FAF1: variants seen among roughly 807,000 people sequenced by gnomAD.
FAF1 encodes the protein FAS-associated factor 1.
A neutral mutation model predicts 92.5 loss-of-function variants in FAF1; 25 were observed. That is an observed-to-expected ratio of 0.27 (90% CI 0.20 to 0.38). The LOEUF is 0.38. FAF1 is among the 10% of genes least tolerant of loss of function. FAF1 has a pLI of 1.00. For missense variants in FAF1, 636 were observed against 793.3 expected (o/e 0.80, Z 2.38); for synonymous variants, 234 against 273.2 (o/e 0.86, Z 1.42).
At chr1:50,642,863 CAG>C (rs1352314206) in intron 8 of FAF1, among the ~76,000 whole-genome samples, 1 of 151,954 alleles carries the variant, frequency 6.6e-6, no homozygotes, top group African/African-American at 2.4e-5. Flanking sequence ...TTGTTTGAGA[CAG>C]AGTCTCATTC....
rs560301728 is a variant in FAF1, at chr1:50,776,830, C to A, written c.367+11170G>T. ...CTTTCAGTGGTTCCCAACTAATAAA[C>A]CCGAGATGCCTTAGCAATACTACTA... On this transcript the variant is annotated intron_variant, in intron 4 of 18. Transcript: ENST00000396153. 1.4e-4 allele frequency among the ~76,000 whole-genome samples: 22 copies of A among 152,092 alleles called. No homozygotes were observed. The East Asian group carries it at 3.9e-3, about 27-fold the overall frequency.
At chr1:50,459,515 T>A (rs1406337039) in intron 18 of FAF1, among the ~76,000 whole-genome samples, 1 of 152,210 alleles carries the variant, frequency 6.6e-6, no homozygotes, top group Non-Finnish European at 1.5e-5. Context: ...ATACCATCTT[T>A]TTAGTTGTTC....
At chr1:50,761,406 T>C (rs1308926138) in intron 4 of FAF1, among the ~76,000 whole-genome samples, 1 of 152,174 alleles carries the variant, frequency 6.6e-6, no homozygotes, top group Non-Finnish European at 1.5e-5. Flanking sequence ...TTTAGACCAA[T>C]ATCCTTGATG....
intron 4 of FAF1, among the ~76,000 whole-genome samples, chr1:50,745,981 A>G (rs1659569537): frequency 6.6e-6 from 1 of 151,994 alleles, no homozygotes; most frequent in South Asian, 2.1e-4. Context: ...AGTGATATGG[A>G]CAATGAAGTC....
chr1:50,825,274 TTC>T (rs1207202749), intron 2 of FAF1, among the ~76,000 whole-genome samples: 1 of 152,040 alleles, frequency 6.6e-6, no homozygotes, highest in African/African-American at 2.4e-5. Flanking sequence ...CCAAAAATAT[TTC>T]TGAGACAAAC....
intron 7 of FAF1, among the ~76,000 whole-genome samples, chr1:50,696,370 C>G (rs1657226312): frequency 6.6e-6 from 1 of 152,116 alleles, no homozygotes; most frequent in African/African-American, 2.4e-5. Context: ...ATGTCAAAAG[C>G]TTTACTAGGT....
At chr1:50,919,681 G>A (rs1006779330) in intron 1 of FAF1, among the ~76,000 whole-genome samples, 1 of 152,014 alleles carries the variant, frequency 6.6e-6, no homozygotes, top group African/African-American at 2.4e-5. Context: ...TAGAGACAGG[G>A]TTTCACCATG....
intron 3 of FAF1, among the ~76,000 whole-genome samples, chr1:50,794,438 C>T (rs1420774899): frequency 6.6e-6 from 1 of 152,202 alleles, no homozygotes; most frequent in East Asian, 1.9e-4. Context: ...ACGTTCACCA[C>T]TTCATCTGGA....
chr1:50,511,332 G>T (rs1185138986), intron 15 of FAF1, among the ~76,000 whole-genome samples: 7 of 151,980 alleles, frequency 4.6e-5, no homozygotes, highest in African/African-American at 1.4e-4. Context: ...TGCCATTGTG[G>T]GTTGCTGCAC....
At chr1:50,452,278 T>C (rs1192257445) in intron 18 of FAF1, 1 of 581,834 alleles carries the variant, frequency 1.7e-6, no homozygotes, top group Non-Finnish European at 2.8e-6. Flanking sequence ...AAGCATAAAC[T>C]GGACACAGGC....
At chr1:50,720,063 G>T (rs1658345719) in intron 6 of FAF1, among the ~76,000 whole-genome samples, 1 of 151,142 alleles carries the variant, frequency 6.6e-6, no homozygotes, top group South Asian at 2.1e-4. Flanking sequence ...GTGCAGTGGT[G>T]CAATCTTGAC....
At chr1:50,940,673 C>T (rs1485280029) in intron 1 of FAF1, among the ~76,000 whole-genome samples, 1 of 152,218 alleles carries the variant, frequency 6.6e-6, no homozygotes, top group African/African-American at 2.4e-5. Context: ...TAGATTTATA[C>T]TAACATAATT....
chr1:50,777,000 C>G (rs1022054969), intron 4 of FAF1, among the ~76,000 whole-genome samples: 2 of 151,992 alleles, frequency 1.3e-5, no homozygotes, highest in Non-Finnish European at 2.9e-5. Context: ...TAGCTCATAC[C>G]TCTAATCCTA....
At chr1:50,846,991 T>TC (rs1197253033) in intron 2 of FAF1, among the ~76,000 whole-genome samples, 1 of 152,210 alleles carries the variant, frequency 6.6e-6, no homozygotes, top group African/African-American at 2.4e-5. Flanking sequence ...TAGCCCTTGA[T>TC]CCCCTTTGCT....
In FAF1 at chr1:50,705,873, T is replaced by G; in HGVS notation, c.570A>C (p.Leu190Phe). ...TGATGATCAGCATGAAGTTTTGATTTAATGACTCCTGCAGGGCACTGAAAG... is the reference window on the plus strand; with the variant it reads ...TGATGATCAGCATGAAGTTTTGATTGAATGACTCCTGCAGGGCACTGAAAG... ...SSHAGALQES[L>F]NQNFMLIITH... Residue 190 changes from leucine (L) to phenylalanine (F), a missense_variant, in exon 7 of 19, where the codon TTA becomes TTC. Coordinates refer to ENST00000396153, the MANE Select transcript of FAF1 (RefSeq NM_007051.3). The G allele has an allele frequency of 1.2e-6, 2 of 1,609,720 alleles. No homozygotes were observed. The highest frequency in any genetic ancestry group is 1.7e-6 in the Non-Finnish European group (2 of 1,176,272).
chr1:50,642,416 C>T (rs747601986), intron 8 of FAF1, among the ~76,000 whole-genome samples: 25 of 151,508 alleles, frequency 1.7e-4, no homozygotes, highest in Non-Finnish European at 3.4e-4. Flanking sequence ...TTTGGGAGGC[C>T]GACGCGGGGG....
At chr1:50,810,911 T>C (rs1643902031) in intron 2 of FAF1, among the ~76,000 whole-genome samples, 1 of 152,062 alleles carries the variant, frequency 6.6e-6, no homozygotes, top group Admixed American at 6.5e-5. Context: ...TAGCCTGGCA[T>C]GGTGGCACCT....
chr1:50,931,888 A>AAATAAT (rs201964842), intron 1 of FAF1, among the ~76,000 whole-genome samples: 13,402 of 129,036 alleles, frequency 0.1, 702 homozygotes, highest in East Asian at 0.17. Context: ...ATAAATAAAT[A>AAATAAT]AATAATAATA....
chr1:50,486,092 T>C (rs1322494623), intron 17 of FAF1, among the ~76,000 whole-genome samples: 2 of 152,142 alleles, frequency 1.3e-5, no homozygotes, highest in Non-Finnish European at 2.9e-5. Flanking sequence ...AACAGAAAAC[T>C]GAAGAGGAAG....
Sources: allele counts gnomAD v4.1 joint callset (sites outside exome capture counted in the v4.1 genomes callset), GRCh38; gene constraint gnomAD v4.1.1; transcripts MANE v1.5; gene names NCBI Gene and HGNC (gene_info 2026-07-23, HGNC 2026-07-21).